HDAC9: variants seen among roughly 807,000 people sequenced by gnomAD.
The protein encoded by HDAC9 is MEF-2 interacting transcription repressor (MITR) protein.
HDAC9 carries 41 observed loss-of-function variants against 139.4 expected under a neutral mutation model. The observed-to-expected ratio is 0.29, with a 90% CI of 0.23 to 0.38. The LOEUF is 0.38. Ranked by LOEUF, HDAC9 falls within the 10% of genes least tolerant of loss-of-function variation. The pLI is 1.00. For missense variants in HDAC9, 1,147 were observed against 1,297.0 expected (o/e 0.88, Z 1.78); for synonymous variants, 517 against 476.2 (o/e 1.09, Z -1.12).
At chr7:18,520,557 C>T (rs555309635) in intron 2 of HDAC9, among the ~76,000 whole-genome samples, 4 of 152,216 alleles carry the variant, frequency 2.6e-5, no homozygotes, top group Middle Eastern at 3.4e-3. Context: ...GTTTCTGGCA[C>T]CTGGGTTTTC....
Position 18,931,774 on chromosome 7 carries a change from A to T in HDAC9, c.2804-4035A>T, listed in dbSNP as rs550631483. Among the ~76,000 whole-genome samples, 4 of 152,190 alleles carry T rather than the reference A, an allele frequency of 2.6e-5. No individual in the cohort carries two copies. The South Asian group carries it at 6.2e-4, about 24-fold the overall frequency. ...TAAATTCTAGTGAATACATCCTGAG[A>T]ATTTATTTTCTTTTCAAACTAAAGA... On this transcript the variant is annotated intron_variant, in intron 22 of 25. Coordinates refer to ENST00000686413, the MANE Select transcript of HDAC9 (RefSeq NM_178425.4).
chr7:18,171,064 C>A (rs1788393637), intron 2 of HDAC9, among the ~76,000 whole-genome samples: 1 of 152,174 alleles, frequency 6.6e-6, no homozygotes, highest in South Asian at 2.1e-4. Flanking sequence ...GATATTGATT[C>A]TTCCTATCCA....
rs547220976 is a variant in HDAC9 at position 18,723,940 on chromosome 7, C to T, written c.1732-3640C>T. 1.5e-3 allele frequency among the ~76,000 whole-genome samples: 235 copies of T among 151,992 alleles called. 1 individual carries two copies. Among genetic ancestry groups the T allele is most frequent in the Non-Finnish European group, 2.8e-3 (189 of 67,990 alleles). On this transcript the variant is annotated intron_variant, in intron 12 of 25. Transcript: ENST00000686413. ...GTATGAGAAAATATATAAAATGCAG[C>T]AGAAAATAAGTTAAAAGATGAGTTA...
chr7:18,357,122 A>AATCTTATAGG (rs1385863478), intron 1 of HDAC9, among the ~76,000 whole-genome samples: 1 of 152,154 alleles, frequency 6.6e-6, no homozygotes, highest in African/African-American at 2.4e-5. Flanking sequence ...GATCTTATAG[A>AATCTTATAGG]ATCTTATAGG....
At chr7:18,548,830 A>G (rs112347244) in intron 2 of HDAC9, among the ~76,000 whole-genome samples, 3 of 152,330 alleles carry the variant, frequency 2.0e-5, no homozygotes, top group African/African-American at 7.2e-5. Context: ...CTGGAATTCA[A>G]ATTATAATGT....
At chr7:18,520,660 A>G (rs1232626757) in intron 2 of HDAC9, among the ~76,000 whole-genome samples, 1 of 152,206 alleles carries the variant, frequency 6.6e-6, no homozygotes, top group Non-Finnish European at 1.5e-5. Flanking sequence ...TAGAATAATA[A>G]TATGTCAACA....
intron 2 of HDAC9, among the ~76,000 whole-genome samples, chr7:18,538,092 T>C (rs1453481252): frequency 6.6e-6 from 1 of 152,362 alleles, no homozygotes; most frequent in East Asian, 1.9e-4. Context: ...AGTTTTTTTC[T>C]GTAACAATTG....
chr7:18,582,229 A>G (rs1441328529), intron 2 of HDAC9, among the ~76,000 whole-genome samples: 1 of 152,228 alleles, frequency 6.6e-6, no homozygotes, highest in Non-Finnish European at 1.5e-5. Context: ...TAAGTTAGTT[A>G]CTTATAGTAA....
intron 1 of HDAC9, among the ~76,000 whole-genome samples, chr7:18,138,853 A>G (rs555149788): frequency 6.6e-6 from 1 of 152,138 alleles, no homozygotes; most frequent in Non-Finnish European, 1.5e-5. Flanking sequence ...CTCAATTCAG[A>G]GTACTGGATT....
At chr7:18,203,980 A>G (rs1040097190) in intron 2 of HDAC9, among the ~76,000 whole-genome samples, 3 of 152,200 alleles carry the variant, frequency 2.0e-5, no homozygotes, top group African/African-American at 7.2e-5. Flanking sequence ...TTGAAAGCTC[A>G]TGCATACTGA....
At chr7:18,343,741 C>T (rs596844) in intron 1 of HDAC9, among the ~76,000 whole-genome samples, 45,004 of 151,596 alleles carry the variant, frequency 0.3, 7,993 homozygotes, top group African/African-American at 0.5. Flanking sequence ...ACAACCATTT[C>T]CGCATAGATT....
At chr7:18,513,779 T>C (rs1208353253) in intron 2 of HDAC9, among the ~76,000 whole-genome samples, 1 of 152,216 alleles carries the variant, frequency 6.6e-6, no homozygotes, top group Non-Finnish European at 1.5e-5. Flanking sequence ...TTAAAAATGT[T>C]AGGGATTTGA....
intron 1 of HDAC9, among the ~76,000 whole-genome samples, chr7:18,297,289 C>T (rs917259132): frequency 4.6e-5 from 7 of 152,076 alleles, no homozygotes; most frequent in East Asian, 3.9e-4. Context: ...TTTATGTCCA[C>T]GTATAGGCTT....
upstream of HDAC9, among the ~76,000 whole-genome samples, chr7:18,495,069 A>C (rs1463707187): frequency 6.6e-6 from 1 of 152,096 alleles, no homozygotes; most frequent in East Asian, 1.9e-4. Flanking sequence ...ATAGCAAGTA[A>C]AAAATCAAGC....
At chr7:18,813,143 AT>A (rs1297849258) in intron 17 of HDAC9, among the ~76,000 whole-genome samples, 2 of 151,302 alleles carry the variant, frequency 1.3e-5, no homozygotes, top group Non-Finnish European at 3.0e-5. Flanking sequence ...CTATTATCTT[AT>A]TTTTCACTTG....
chr7:18,369,104 A>G (rs547629133), intron 1 of HDAC9, among the ~76,000 whole-genome samples: 1 of 152,144 alleles, frequency 6.6e-6, no homozygotes, highest in South Asian at 2.1e-4. Flanking sequence ...GATCTTTTAT[A>G]TGTTTAAAGT....
intron 1 of HDAC9, among the ~76,000 whole-genome samples, chr7:18,120,769 T>C (rs1417550566): frequency 6.6e-6 from 1 of 152,258 alleles, no homozygotes; most frequent in Non-Finnish European, 1.5e-5. Context: ...GCATTGTTTT[T>C]AGATTAAGAA....
intron 1 of HDAC9, among the ~76,000 whole-genome samples, chr7:18,096,831 T>G (rs751550726): frequency 8.6e-5 from 13 of 151,928 alleles, no homozygotes; most frequent in Non-Finnish European, 1.3e-4. Context: ...AACTCTCACA[T>G]GAGAAGTGCC....
chr7:18,369,706 G>C (rs10268263), intron 1 of HDAC9, among the ~76,000 whole-genome samples: 40,195 of 151,882 alleles, frequency 0.26, 5,530 homozygotes, highest in East Asian at 0.38. Context: ...CTATATGTCA[G>C]AAACAGTGTT....
Sources: allele counts gnomAD v4.1 joint callset (sites outside exome capture counted in the v4.1 genomes callset), GRCh38; gene constraint gnomAD v4.1.1; transcripts MANE v1.5; gene names NCBI Gene and HGNC (gene_info 2026-07-23, HGNC 2026-07-21).